GCSAM: variants seen among roughly 807,000 people sequenced by gnomAD.
The protein encoded by GCSAM is germinal center associated signaling and motility, also known as germinal center-associated signaling and motility protein.
Under a neutral mutation model 17.6 loss-of-function variants are expected in GCSAM, and 8 were observed. The observed-to-expected ratio is 0.46, with a 90% CI of 0.27 to 0.82. The LOEUF is 0.82. Among genes scored for constraint, GCSAM ranks in the 40% least tolerant of loss-of-function variants. The probability of loss-of-function intolerance (pLI) is 0.15; values close to 1 mark genes in which losing one functional copy is unlikely to be tolerated. For missense variants in GCSAM, 192 were observed against 213.5 expected (o/e 0.90, Z 0.63); for synonymous variants, 68 against 69.0 (o/e 0.98, Z 0.07).
intron 2 of GCSAM, 111 bp from the exon 3 acceptor site, chr3:112,128,172 C>A: frequency 1.1e-6 from 1 of 884,358 alleles, no homozygotes; most frequent in Non-Finnish European, 1.9e-6. Context: ...TCCCCGCAAG[C>A]GTGTTTCATT....
intron 1 of GCSAM, chr3:112,130,799 G>C: frequency 2.3e-6 from 1 of 440,804 alleles, no homozygotes; most frequent in Admixed American, 3.4e-5. Context: ...TCCTCGTCAT[G>C]ACCCTTGAGA....
chr3:112,128,077 G>A lies in GCSAM; in HGVS notation c.99-16C>T, dbSNP rs1320883047. On this transcript the variant is annotated splice_polypyrimidine_tract_variant and intron_variant, in intron 2 of 5. Transcript: ENST00000308910. ...ATCCCAGCATCTAAAATACCCAAGA[G>A]AGATGGCAAATCATAAGGTTGATTT... 1.2e-6 allele frequency: 2 copies of A among 1,611,720 alleles called. No homozygotes were observed. Among genetic ancestry groups the A allele is most frequent in the Admixed American group, 3.3e-5 (2 of 60,010 alleles).
At position 112,122,699 on chromosome 3, in the gene GCSAM, T is replaced by C. The variant is rs1218496014; in HGVS notation, c.*756A>G. The C allele has an allele frequency of 6.6e-6, 1 of 152,190 alleles. No individual in the cohort carries two copies. The highest frequency in any genetic ancestry group is 1.5e-5 in the Non-Finnish European group (1 of 68,048). The allele number at this position is 152,190 out of a possible 1,614,324, so 9.4% of individuals were successfully genotyped here. ...CAGGCTCCAAATTAAGTTTTGCCAC[T>C]AACTTTAATGTATCATTAGGCAAAT... On this transcript the variant is annotated 3_prime_UTR_variant, in exon 6 of 6. Coordinates refer to ENST00000308910, the MANE Select transcript of GCSAM (RefSeq NM_152785.5).
Position 112,123,732 on chromosome 3 carries a change from G to A in GCSAM, c.260C>T (p.Thr87Ile), listed in dbSNP as rs751059230. 1.9e-6 allele frequency: 3 copies of A among 1,613,970 alleles called. No individual in the cohort carries two copies. The highest frequency in any genetic ancestry group is 2.5e-6 in the Non-Finnish European group (3 of 1,179,886). The stretch of plus-strand genomic sequence containing the variant: ...ACAGAGAACCCGATGATTGATGAGG[G>A]TATAGCACAGCTCCTCTGAGTAGGT... Reference protein sequence around the residue: ...DQTYSEELCYTLINHRVLCTR... With the variant: ...DQTYSEELCYILINHRVLCTR... The change falls in exon 6 of 6, where the codon ACC becomes ATC. Residue 87 changes from threonine to isoleucine, a missense_variant. Coordinates refer to ENST00000308910, the MANE Select transcript of GCSAM (RefSeq NM_152785.5).
intron 4 of GCSAM, among the ~76,000 whole-genome samples, chr3:112,125,506 A>G (rs773350815): frequency 4.6e-5 from 7 of 151,820 alleles, no homozygotes; most frequent in Non-Finnish European, 1.0e-4. Context: ...GGAAATCACG[A>G]TTTCTTCCTC....
intron 5 of GCSAM, among the ~76,000 whole-genome samples, chr3:112,123,988 C>CAGA (rs2074254109): frequency 6.6e-6 from 1 of 152,214 alleles, no homozygotes; most frequent in African/African-American, 2.4e-5. Flanking sequence ...GGTGCATCCT[C>CAGA]TGCCCCTTGT....
rs150812382 is a variant in GCSAM, at chr3:112,123,567, C to T, written c.425G>A (p.Arg142Gln). The T allele has an allele frequency of 8.1e-6, 13 of 1,613,960 alleles. No individual in the cohort carries two copies. The highest frequency in any genetic ancestry group is 2.7e-5 in the African/African-American group (2 of 74,888). ...AAGTTCATATTCATCTTCTGGGGATCGGGCATGCCTGGGGTCTGTAGAAGG... is the reference window on the plus strand; with the variant it reads ...AAGTTCATATTCATCTTCTGGGGATTGGGCATGCCTGGGGTCTGTAGAAGG... ...HMPSTDPRHA[R>Q]SPEDEYELLM... The change falls in exon 6 of 6, where the codon CGA becomes CAA. Residue 142 changes from arginine (R) to glutamine (Q), a missense_variant. Coordinates refer to ENST00000308910, the MANE Select transcript of GCSAM (RefSeq NM_152785.5).
chr3:112,130,166 G>A (rs1197350844), intron 2 of GCSAM: 1 of 394,092 alleles, frequency 2.5e-6, no homozygotes, highest in Admixed American at 3.8e-5. Context: ...AATGACAACA[G>A]GAAATAAGAC....
In GCSAM at chr3:112,121,124, A is replaced by G. The variant is rs117397354; in HGVS notation, c.*2331T>C. 2.7e-4 allele frequency: 41 copies of G among 152,298 alleles called. No homozygotes were observed. In the East Asian group the frequency reaches 7.3e-3, roughly 27 times the overall value. The allele number at this position is 152,298 out of a possible 1,614,324, so 9.4% of individuals were successfully genotyped here. A position where few individuals can be genotyped will look rare whatever the true frequency, so the allele number is the denominator to read the frequency against. ...TTTCTTTGGTTAAACATTTATATTT[A>G]ATGTGTCCCTGATAAAAGGCATATA... On this transcript the variant is annotated 3_prime_UTR_variant, in exon 6 of 6. Transcript: ENST00000308910.
At chr3:112,123,818 T>C (rs759992668) in intron 5 of GCSAM, 46 bp from the exon 6 acceptor site, 4 of 1,573,734 alleles carry the variant, frequency 2.5e-6, no homozygotes. Flanking sequence ...TCTCTTGCCA[T>C]GACCTTTACA....
chr3:112,125,001 G>T (rs1184308517), intron 5 of GCSAM, among the ~76,000 whole-genome samples: 2 of 152,234 alleles, frequency 1.3e-5, no homozygotes, highest in Non-Finnish European at 2.9e-5. Context: ...CATAAATGAA[G>T]TGGTCAGTAA....
At chr3:112,132,104 A>C (rs1357084738) in intron 1 of GCSAM, among the ~76,000 whole-genome samples, 1 of 152,354 alleles carries the variant, frequency 6.6e-6, no homozygotes, top group South Asian at 2.1e-4. Flanking sequence ...AGTAATTTAT[A>C]TAATTGTTAG....
chr3:112,127,828 C>T (rs1334180649), intron 3 of GCSAM, among the ~76,000 whole-genome samples, 189 bp downstream of exon 3: 1 of 152,076 alleles, frequency 6.6e-6, no homozygotes, highest in Admixed American at 6.6e-5. Context: ...AGCATGCGAC[C>T]CATGAGACTA....
chr3:112,126,742 G>A (rs2074329488), intron 4 of GCSAM, among the ~76,000 whole-genome samples: 1 of 152,092 alleles, frequency 6.6e-6, no homozygotes, highest in African/African-American at 2.4e-5. Context: ...CTTGCCCCCA[G>A]TTACTGCCTT....
At position 112,122,412 on chromosome 3, in the gene GCSAM, A is replaced by T. The variant is rs1160920015; in HGVS notation, c.*1043T>A. The T allele has an allele frequency of 1.6e-4, 25 of 152,174 alleles. No individual in the cohort carries two copies. Among genetic ancestry groups the T allele is most frequent in the Admixed American group, 1.6e-3 (25 of 15,276 alleles). The allele number at this position is 152,174 out of a possible 1,614,324, so 9.4% of individuals were successfully genotyped here. Reference sequence around the variant, plus strand: ...GTGGGCTAGATTTGGCCTGGGGGTTATAGTTTGCTGATCCCTGGTTTAGAG... The same window carrying T: ...GTGGGCTAGATTTGGCCTGGGGGTTTTAGTTTGCTGATCCCTGGTTTAGAG... On this transcript the variant is annotated 3_prime_UTR_variant, in exon 6 of 6. Transcript: ENST00000308910.
intron 2 of GCSAM, chr3:112,128,265 G>C (rs1295611478): frequency 1.4e-6 from 1 of 693,206 alleles, no homozygotes; most frequent in African/African-American, 1.8e-5. Flanking sequence ...TCCTAATCAG[G>C]AAAAAAGCTT....
chr3:112,130,917 A>G (rs982683232), intron 1 of GCSAM: 3 of 181,012 alleles, frequency 1.7e-5, no homozygotes, highest in Admixed American at 1.1e-4. Flanking sequence ...TGTCTTGTGT[A>G]AATCACACCA....
chr3:112,126,982 C>T lies in GCSAM; in HGVS notation c.190+5G>A, dbSNP rs2074336395. On this transcript the variant is annotated splice_donor_5th_base_variant and intron_variant, in intron 4 of 5. Transcript: ENST00000308910. ...AGTGAAAATACTAGGAAATCAATGACTTACTTTCGTTTTGGGAATCTTGCC... is the reference window on the plus strand; with the variant it reads ...AGTGAAAATACTAGGAAATCAATGATTTACTTTCGTTTTGGGAATCTTGCC... The T allele has an allele frequency of 1.3e-6, 2 of 1,572,734 alleles. No individual in the cohort carries two copies. Among genetic ancestry groups the T allele is most frequent in the Non-Finnish European group, 1.7e-6 (2 of 1,147,692 alleles).
chr3:112,128,153 C>G, intron 2 of GCSAM, 92 bp from the exon 3 acceptor site: 1 of 1,113,948 alleles, frequency 9.0e-7, no homozygotes, highest in East Asian at 2.4e-5. Flanking sequence ...CTGTGGAAAA[C>G]TTTTTTTCTC....
Sources: allele counts gnomAD v4.1 joint callset (sites outside exome capture counted in the v4.1 genomes callset), GRCh38; gene constraint gnomAD v4.1.1; transcripts MANE v1.5; gene names NCBI Gene and HGNC (gene_info 2026-07-23, HGNC 2026-07-21).